CPNE9: variants seen among roughly 807,000 people sequenced by gnomAD.
CPNE9 encodes the protein copine-9.
Under a neutral mutation model 83.0 loss-of-function variants are expected in CPNE9, and 59 were observed. That is an observed-to-expected ratio of 0.71 (90% CI 0.58 to 0.88). The LOEUF is 0.88. Ranked by LOEUF, CPNE9 falls within the 40% of genes least tolerant of loss-of-function variation. The pLI is 0.00. For missense variants in CPNE9, 619 were observed against 720.8 expected, an observed-to-expected ratio of 0.86 and a Z score of 1.62; for synonymous variants, 256 against 273.4, an observed-to-expected ratio of 0.94 and a Z score of 0.63.
At chr3:9,719,192 GT>G in intron 17 of CPNE9, among the ~76,000 whole-genome samples, 1 of 152,216 alleles carries the variant, frequency 6.6e-6, no homozygotes. Flanking sequence ...AGGACGATGT[GT>G]ATAGGTTATA....
intron 10 of CPNE9, among the ~76,000 whole-genome samples, chr3:9,713,702 G>A (rs760454761): frequency 3.9e-5 from 6 of 152,232 alleles, no homozygotes; most frequent in Non-Finnish European, 5.9e-5. Context: ...TGGATTTGTA[G>A]GTGAATTAGT....
chr3:9,705,912 A>G, intron 6 of CPNE9, 75 bp from the exon 7 acceptor site: 1 of 1,513,948 alleles, frequency 6.6e-7, no homozygotes, highest in South Asian at 1.1e-5. Flanking sequence ...GGTCCTGTGC[A>G]GGAGCATCAC....
At chr3:9,707,901 C>T (rs531667718) in intron 7 of CPNE9, among the ~76,000 whole-genome samples, 7 of 151,494 alleles carry the variant, frequency 4.6e-5, no homozygotes, top group African/African-American at 1.7e-4. Flanking sequence ...AAATGTTAGA[C>T]ATCCAAGTGG....
At chr3:9,711,014 G>C (rs2076621851) in intron 7 of CPNE9, among the ~76,000 whole-genome samples, 1 of 151,986 alleles carries the variant, frequency 6.6e-6, no homozygotes, top group African/African-American at 2.4e-5. Context: ...GGGTAATAGT[G>C]AGACCCCAAC....
At chr3:9,717,958 C>T (rs2076699618) in intron 15 of CPNE9, 71 bp from the exon 16 acceptor site, 1 of 1,360,984 alleles carries the variant, frequency 7.3e-7, no homozygotes, top group South Asian at 1.4e-5. Context: ...GATGAATGCA[C>T]ACAAAGATAA....
chr3:9,706,741 G>A (rs770143823), intron 7 of CPNE9, among the ~76,000 whole-genome samples: 15 of 152,218 alleles, frequency 9.9e-5, no homozygotes, highest in Admixed American at 3.3e-4. Flanking sequence ...ATTCAACAGT[G>A]CGGTTGAGCA....
At chr3:9,719,428 G>A (rs1333408643) in intron 17 of CPNE9, among the ~76,000 whole-genome samples, 3 of 152,138 alleles carry the variant, frequency 2.0e-5, no homozygotes, top group East Asian at 1.9e-4. Flanking sequence ...TGGTGAAGGC[G>A]TACGTTTTAG....
rs966299202 is a variant in CPNE9 at position 9,715,346 on chromosome 3, C to A, written c.750C>A (p.Asn250Lys). The part of the protein sequence containing the change: ...TSYRELSKAQ[N>K]QFTVYEVLNP... Reference sequence around the variant, plus strand: ...ACCGGGAGCTGAGCAAGGCCCAGAACCAGTTCACAGTATATGAGGTGAGCA... The same window carrying A: ...ACCGGGAGCTGAGCAAGGCCCAGAAACAGTTCACAGTATATGAGGTGAGCA... Residue 250 changes from asparagine (N) to lysine (K), a missense_variant, in exon 12 of 21, where the codon AAC (asparagine) becomes AAA (lysine). Asn to Lys is a moderately conservative substitution (Grantham distance 94, BLOSUM62 0). Around this residue, in one of 3 missense-constraint regions of CPNE9, gnomAD observed 438 missense variants for 562.9 expected, o/e 0.78. Coordinates refer to ENST00000383832, the MANE Select transcript of CPNE9 (RefSeq NM_153635.3). 3.7e-6 allele frequency: 6 copies of A among 1,614,238 alleles called. No individual in the cohort carries two copies. The highest frequency in any genetic ancestry group is 1.1e-5 in the South Asian group (1 of 91,088).
At chr3:9,723,303 C>G (rs1318078249) in intron 17 of CPNE9, among the ~76,000 whole-genome samples, 1 of 152,112 alleles carries the variant, frequency 6.6e-6, no homozygotes, top group Non-Finnish European at 1.5e-5. Flanking sequence ...GAAACCCCGT[C>G]TCTACTAGCA....
intron 16 of CPNE9, 119 bp downstream of exon 16, chr3:9,718,329 G>A (rs2076703897): frequency 1.5e-6 from 2 of 1,374,404 alleles, no homozygotes; most frequent in Non-Finnish European, 2.0e-6. Flanking sequence ...GCTATGAGAG[G>A]ATAGCAGAGC....
chr3:9,704,816 C>T lies in CPNE9; in HGVS notation c.156+21C>T. On this transcript the variant is annotated intron_variant, in intron 3 of 20. Coordinates refer to ENST00000383832, the MANE Select transcript of CPNE9 (RefSeq NM_153635.3). This position sits in a 1 kb window ranked among gnomAD's most constrained non-coding sequence, Gnocchi z 7.1. ...GGGAGGTGAGTCCCAGAGCCCCCTC[C>T]CGGCCCAGGGCGTCGCCCGGGAATT... 6.2e-7 allele frequency: 1 copy of T among 1,602,352 alleles called. No individual in the cohort carries two copies. The highest frequency in any genetic ancestry group is 2.2e-5 in the East Asian group (1 of 44,482).
chr3:9,723,930 C>G (rs1241197579), intron 17 of CPNE9, among the ~76,000 whole-genome samples: 1 of 152,204 alleles, frequency 6.6e-6, no homozygotes, highest in Non-Finnish European at 1.5e-5. Flanking sequence ...TCCAATAGCA[C>G]TTTCTGCAAT....
Position 9,729,289 on chromosome 3 carries a change from G to C in CPNE9, c.1477-218G>C, listed in dbSNP as rs3872709. ...TCAGCAAAAGCAGTTTCAATGGCCT[G>C]TGTGAAGCCAAACTGGAGTGGGTTG... On this transcript the variant is annotated intron_variant, in intron 20 of 20. Transcript: ENST00000383832. Among the ~76,000 whole-genome samples the C allele has an allele frequency of 1.5e-3, 230 of 152,330 alleles. 3 individuals carry two copies. Among genetic ancestry groups the C allele is most frequent in the Admixed American group, 1.0e-2 (153 of 15,306 alleles).
intron 17 of CPNE9, among the ~76,000 whole-genome samples, chr3:9,721,562 T>C (rs1263407752): frequency 6.6e-6 from 1 of 152,114 alleles, no homozygotes; most frequent in Non-Finnish European, 1.5e-5. Flanking sequence ...GGGTAGGGCA[T>C]AGGCTCCAGT....
intron 17 of CPNE9, among the ~76,000 whole-genome samples, chr3:9,719,984 C>A (rs1303583031): frequency 6.6e-6 from 1 of 151,268 alleles, no homozygotes; most frequent in East Asian, 1.9e-4. Flanking sequence ...GAGCAAGACT[C>A]TGTCTCAAAA....
chr3:9,704,616 A>G lies in CPNE9; in HGVS notation c.98A>G (p.Lys33Arg), dbSNP rs1484783600. 1.2e-6 allele frequency: 2 copies of G among 1,613,918 alleles called. No individual in the cohort carries two copies. Among genetic ancestry groups the G allele is most frequent in the Admixed American group, 3.3e-5 (2 of 60,008 alleles). ...CTGCTAGACCTTGATACCTTCTCCA[A>G]GTCCGACCCCAGTAGGCGGCTCCAG... Reference protein sequence around the residue: ...RNLLDLDTFSKSDPMVVLYTQ... With the variant: ...RNLLDLDTFSRSDPMVVLYTQ... The change falls in exon 2 of 21, where the codon AAG becomes AGG. Residue 33 changes from lysine to arginine, a missense_variant. Lys to Arg is a conservative substitution (Grantham distance 26). This residue lies in a region of CPNE9 where 130 missense variants were observed against 117.5 expected (regional missense o/e 1.11). Transcript: ENST00000383832. The surrounding 1 kb of genome is among the most constrained non-coding windows in gnomAD (Gnocchi z 7.1).
intron 20 of CPNE9, chr3:9,727,500 G>C (rs1559647404): frequency 1.4e-6 from 1 of 693,150 alleles, no homozygotes. Flanking sequence ...AAATGCCACT[G>C]TGAGAGCCTG....
At chr3:9,717,780 ATAGATGTATGGCTAGG>A (rs2076697512) in intron 15 of CPNE9, among the ~76,000 whole-genome samples, 1 of 152,080 alleles carries the variant, frequency 6.6e-6, no homozygotes, top group Non-Finnish European at 1.5e-5. Context: ...AGACTGAAAG[ATAGATGTATGGCTAGG>A]TAGATGGGTG....
intron 20 of CPNE9, 161 bp downstream of exon 20, chr3:9,727,347 G>A: frequency 4.6e-6 from 4 of 864,520 alleles, no homozygotes; most frequent in Non-Finnish European, 7.7e-6. Context: ...TGACAAACAG[G>A]AAGGTTGCTG....
Sources: allele counts gnomAD v4.1 joint callset (sites outside exome capture counted in the v4.1 genomes callset), GRCh38; gene constraint gnomAD v4.1.1; regional missense constraint gnomAD v4.1.1; non-coding constraint Gnocchi (gnomAD v3.1); transcripts MANE v1.5; gene names NCBI Gene and HGNC (gene_info 2026-07-23, HGNC 2026-07-21).